Variants in YBEY observed in about 807,000 individuals in gnomAD.
YBEY encodes the protein ybeY metalloendoribonuclease.
A neutral mutation model predicts 13.5 loss-of-function variants in YBEY; 15 were observed. That is an observed-to-expected ratio of 1.11 (90% CI 0.75 to 1.72). YBEY has a LOEUF of 1.72. YBEY is among the 40% of genes most tolerant of loss of function. The probability of loss-of-function intolerance (pLI) is 0.00; values close to 1 mark genes in which losing one functional copy is unlikely to be tolerated. For synonymous variants in YBEY, 101 were observed against 83.1 expected, an observed-to-expected ratio of 1.21 and a Z score of -1.17; for missense variants, 244 against 208.4, an observed-to-expected ratio of 1.17 and a Z score of -1.05.
chr21:46,296,633 C>A (rs2839204), intron 4 of YBEY, among the ~76,000 whole-genome samples: 1 of 151,564 alleles, frequency 6.6e-6, no homozygotes, highest in Non-Finnish European at 1.5e-5. Flanking sequence ...ATGGTTAACA[C>A]GCACGCAAGC....
At chr21:46,297,108 G>A (rs2081976584) in intron 4 of YBEY, among the ~76,000 whole-genome samples, 1 of 152,022 alleles carries the variant, frequency 6.6e-6, no homozygotes, top group South Asian at 2.1e-4. Context: ...AGACCAGTCT[G>A]GCCAACATGG....
the YBEY span, among the ~76,000 whole-genome samples, chr21:46,303,735 ATATATATATATTTTTTTT>A: frequency 0.029 from 822 of 28,108 alleles, 31 homozygotes; most frequent in Non-Finnish European, 0.046. Context: ...ATATATATAT[ATATATATATATTTTTTTT>A]TTTTTTTTTT....
At chr21:46,300,905 G>C (rs1366681553), downstream of YBEY, 1 of 928,716 alleles carries the variant, frequency 1.1e-6, no homozygotes, top group Non-Finnish European at 1.5e-6. Context: ...AAAAAGTAAA[G>C]AAAAGAAATA....
chr21:46,297,825 T>A, downstream of YBEY: 1 of 1,191,998 alleles, frequency 8.4e-7, no homozygotes, highest in Non-Finnish European at 1.0e-6. Flanking sequence ...CGTCTGGAGT[T>A]CAGGGAACGC....
At position 46,297,699 on chromosome 21, in the gene YBEY, C is replaced by T; in HGVS notation, c.*65C>T. The T allele has an allele frequency of 1.6e-6, 2 of 1,269,058 alleles. No individual in the cohort carries two copies. The highest frequency in any genetic ancestry group is 2.0e-6 in the Non-Finnish European group (2 of 997,362). The allele number at this position is 1,269,058 out of a possible 1,614,324, so 78.6% of individuals were successfully genotyped here. On this transcript the variant is annotated 3_prime_UTR_variant, in exon 5 of 5. Coordinates refer to ENST00000397701, the MANE Select transcript of YBEY (RefSeq NM_001314025.2). Reference sequence around the variant, plus strand: ...GAGGCTGCGGGGAGCCGGGGTCGCACACGAATAAATAACGAATGAACGTAC... The same window carrying T: ...GAGGCTGCGGGGAGCCGGGGTCGCATACGAATAAATAACGAATGAACGTAC...
chr21:46,303,125 C>G, the YBEY span, among the ~76,000 whole-genome samples: 1 of 151,938 alleles, frequency 6.6e-6, no homozygotes, highest in Non-Finnish European at 1.5e-5. Context: ...GATCGTGCCA[C>G]TGTACTCCAG....
downstream of YBEY, chr21:46,301,230 C>T (rs116209545): frequency 2.8e-6 from 1 of 351,454 alleles, no homozygotes; most frequent in African/African-American, 2.2e-5. Flanking sequence ...CAGCTTCTAA[C>T]TCCTGGGCTC....
At chr21:46,301,718 A>G, downstream of YBEY, 1 of 1,193,070 alleles carries the variant, frequency 8.4e-7, no homozygotes, top group Non-Finnish European at 1.0e-6. Context: ...GCCGCCCTAC[A>G]GGAAAGGAGG....
In YBEY at chr21:46,296,188, C is replaced by G; in HGVS notation, c.366C>G (p.His122Gln). 1 of 1,613,912 alleles carries G rather than the reference C, an allele frequency of 6.2e-7. No individual in the cohort carries two copies. Among genetic ancestry groups the G allele is most frequent in the Non-Finnish European group, 8.5e-7 (1 of 1,180,032 alleles). ...TGACGGCCACCCACGGACTCTGTCA[C>G]TTGCTGGGATTCACACACGGCACGG... ...LTVTATHGLC[H>Q]LLGFTHGTEA... is the part of the protein sequence containing the mutation. The change falls in exon 4 of 5, where the codon CAC becomes CAG. Residue 122 changes from histidine to glutamine, a missense_variant. Coordinates refer to ENST00000397701, the MANE Select transcript of YBEY (RefSeq NM_001314025.2).
chr21:46,311,602 G>T, the YBEY span: 1 of 1,347,116 alleles, frequency 7.4e-7, no homozygotes, highest in Admixed American at 1.9e-5. Context: ...ATCTGCATAT[G>T]TCCTTGAAGA....
the YBEY span, among the ~76,000 whole-genome samples, chr21:46,309,040 CA>C: frequency 6.6e-6 from 1 of 152,146 alleles, no homozygotes; most frequent in Admixed American, 6.6e-5. Flanking sequence ...CAGATTTGGC[CA>C]GGCGCAGTGG....
chr21:46,297,991 T>A (rs1601608614), downstream of YBEY, among the ~76,000 whole-genome samples: 1 of 25,384 alleles, frequency 3.9e-5, no homozygotes, highest in African/African-American at 7.3e-5. Flanking sequence ...TATTTCCTGC[T>A]TTTACCTCCT....
rs948303564 is a variant in YBEY, at chr21:46,286,876, T to C, written c.-38T>C. The stretch of plus-strand genomic sequence containing the variant: ...TCTTACACTTTAACCCCAGGTTCCG[T>C]TGCAAACATTTTTAAAGGGCTGGTT... On this transcript the variant is annotated 5_prime_UTR_variant, in exon 2 of 5. Coordinates refer to ENST00000397701, the MANE Select transcript of YBEY (RefSeq NM_001314025.2). 3.7e-6 allele frequency: 6 copies of C among 1,607,672 alleles called. No individual in the cohort carries two copies. The East Asian group carries it at 8.9e-5, about 24-fold the overall frequency.
chr21:46,289,805 T>C (rs1279446490), intron 2 of YBEY, among the ~76,000 whole-genome samples: 2 of 152,188 alleles, frequency 1.3e-5, no homozygotes, highest in Non-Finnish European at 2.9e-5. Flanking sequence ...ATAATGATCC[T>C]TGGTTGCAAA....
chr21:46,290,177 C>T (rs1200590030), intron 2 of YBEY, among the ~76,000 whole-genome samples: 2 of 151,844 alleles, frequency 1.3e-5, no homozygotes, highest in Non-Finnish European at 2.9e-5. Context: ...GTTTGTATAA[C>T]CCTAATGGCT....
the YBEY span, among the ~76,000 whole-genome samples, chr21:46,308,318 G>A: frequency 3.9e-5 from 6 of 151,920 alleles, no homozygotes; most frequent in East Asian, 3.9e-4. Flanking sequence ...AAAATCAGCC[G>A]GGCGTGGTGG....
At position 46,297,750 on chromosome 21, in the gene YBEY, C is replaced by A. The variant is rs1170885352; in HGVS notation, c.*116C>A. The A allele has an allele frequency of 8.0e-7, 1 of 1,245,226 alleles. No individual in the cohort carries two copies. The highest frequency in any genetic ancestry group is 1.0e-6 in the Non-Finnish European group (1 of 989,508). The allele number at this position is 1,245,226 out of a possible 1,614,324, so 77.1% of individuals were successfully genotyped here. A position where few individuals can be genotyped will look rare whatever the true frequency, so the allele number is the denominator to read the frequency against. On this transcript the variant is annotated 3_prime_UTR_variant, in exon 5 of 5. Coordinates refer to ENST00000397701, the MANE Select transcript of YBEY (RefSeq NM_001314025.2). The stretch of plus-strand genomic sequence containing the variant: ...GAGGGGAACCTCCTCTTATTTCCTT[C>A]ACGTTGCATCGGGTATTTTTCGTTA...
At position 46,286,997 on chromosome 21, in the gene YBEY, G is replaced by C; in HGVS notation, c.84G>C (p.Arg28Ser). The change falls in exon 2 of 5, where the codon AGG becomes AGC. Residue 28 changes from arginine to serine, a missense_variant. By Grantham distance (110) the Arg-to-Ser change is moderately radical. Coordinates refer to ENST00000397701, the MANE Select transcript of YBEY (RefSeq NM_001314025.2). ...GCAGTAAGATCGAGATTGTAAGGAGGATTTTAGGAGTGCAGAAATTTGACC... is the reference window on the plus strand; with the variant it reads ...GCAGTAAGATCGAGATTGTAAGGAGCATTTTAGGAGTGCAGAAATTTGACC... ...PLRSKIEIVR[R>S]ILGVQKFDLG... The C allele has an allele frequency of 1.2e-6, 2 of 1,614,088 alleles. No individual in the cohort carries two copies. Among genetic ancestry groups the C allele is most frequent in the East Asian group, 4.5e-5 (2 of 44,874 alleles).
downstream of YBEY, chr21:46,300,719 C>T (rs1453990113): frequency 7.8e-7 from 1 of 1,286,976 alleles, no homozygotes. Flanking sequence ...TGTCTCCTAC[C>T]TGCAAACTTT....
Sources: allele counts gnomAD v4.1 joint callset (sites outside exome capture counted in the v4.1 genomes callset), GRCh38; gene constraint gnomAD v4.1.1; transcripts MANE v1.5; gene names NCBI Gene and HGNC (gene_info 2026-07-23, HGNC 2026-07-21).